TMEM128: variants seen among roughly 807,000 people sequenced by gnomAD.
TMEM128 encodes transmembrane protein 128.
TMEM128 carries 16 observed loss-of-function variants against 19.7 expected under a neutral mutation model. The ratio of observed to expected loss-of-function variants is 0.81; its 90% CI spans 0.55 to 1.23. The LOEUF (loss-of-function observed/expected upper bound fraction) is 1.23, where lower values mean the gene tolerates loss of function less well. Ranked by LOEUF, TMEM128 falls within the 50% of genes most tolerant of loss-of-function variation. The pLI, the probability that TMEM128 is intolerant of heterozygous loss-of-function variation, is 0.00. For synonymous variants in TMEM128, 98 were observed against 75.8 expected (o/e 1.29, Z -1.52); for missense variants, 237 against 200.8 (o/e 1.18, Z -1.09).
At chr4:4,241,292 T>C (rs1428660130) in intron 2 of TMEM128, among the ~76,000 whole-genome samples, 1 of 152,052 alleles carries the variant, frequency 6.6e-6, no homozygotes, top group Non-Finnish European at 1.5e-5. Context: ...CTAAATGAAA[T>C]CCTCCCATTT....
At chr4:4,246,128 A>G in intron 2 of TMEM128, 74 bp downstream of exon 2, 9 of 1,485,368 alleles carry the variant, frequency 6.1e-6, no homozygotes, top group Non-Finnish European at 8.2e-6. Context: ...TACTGTTTGA[A>G]GAATTCAACT....
In TMEM128 at chr4:4,235,549, T is replaced by C. The variant is rs938297135; in HGVS notation, c.*717A>G. The C allele has an allele frequency of 6.6e-6, 1 of 152,496 alleles. No homozygotes were observed. Among genetic ancestry groups the C allele is most frequent in the Non-Finnish European group, 1.5e-5 (1 of 68,036 alleles). The allele number at this position is 152,496 out of a possible 1,614,324, so 9.4% of individuals were successfully genotyped here. A position where few individuals can be genotyped will look rare whatever the true frequency, so the allele number is the denominator to read the frequency against. On this transcript the variant is annotated 3_prime_UTR_variant, in exon 5 of 5. Transcript: ENST00000382753. ...ATGAACAAAACTCACAAGAAAGTTA[T>C]AAAAATATTTTATTTAAATGATACA...
intron 2 of TMEM128, among the ~76,000 whole-genome samples, chr4:4,243,303 C>T (rs932896149): frequency 3.3e-5 from 5 of 152,036 alleles, no homozygotes; most frequent in Non-Finnish European, 5.9e-5. Flanking sequence ...AGGATGGTCT[C>T]GATCTCCTGA....
intron 3 of TMEM128, among the ~76,000 whole-genome samples, chr4:4,238,206 TG>T (rs1194546104): frequency 1.3e-5 from 2 of 152,354 alleles, no homozygotes; most frequent in Admixed American, 1.3e-4. Context: ...TAATAGAAAC[TG>T]AAGTCTCTTA....
rs1190365666 is a variant in TMEM128, at chr4:4,236,184, G to A, written c.*82C>T. ...GTGGGCCTGTAGTCCCAACTACTTC[G>A]AAGGCTGAGGCAGGAGGATCACTTG... is the stretch of plus-strand genomic sequence containing the variant. On this transcript the variant is annotated 3_prime_UTR_variant, in exon 5 of 5. Coordinates refer to ENST00000382753, the MANE Select transcript of TMEM128 (RefSeq NM_001297551.2). 6.6e-6 allele frequency: 1 copy of A among 150,748 alleles called. No individual in the cohort carries two copies. Among genetic ancestry groups the A allele is most frequent in the Non-Finnish European group, 1.5e-5 (1 of 67,896 alleles). The allele number at this position is 150,748 out of a possible 1,614,324, so 9.3% of individuals were successfully genotyped here.
chr4:4,247,469 ATATCCAAAATGAAG>A, intron 1 of TMEM128: 1 of 1,243,050 alleles, frequency 8.0e-7, no homozygotes. Context: ...GAGATAAAAA[ATATCCAAAATGAAG>A]TATCTGTCTC....
rs1160075978 is a variant in TMEM128, at chr4:4,246,332, C to G, written c.109G>C (p.Ala37Pro). 6.3e-7 allele frequency: 1 copy of G among 1,599,306 alleles called. No individual in the cohort carries two copies. The highest frequency in any genetic ancestry group is 1.8e-5 in the Admixed American group (1 of 55,474). The part of the protein sequence containing the change: ...EGDAGPETST[A>P]VEKKEKPLPR... ...AGAGGTTTCTCCTTTTTCTCAACAGCTGTGGAGGTTTCTGCAAATAAGGGA... is the reference window on the plus strand; with the variant it reads ...AGAGGTTTCTCCTTTTTCTCAACAGGTGTGGAGGTTTCTGCAAATAAGGGA... The change falls in exon 2 of 5, where the codon GCT becomes CCT. Residue 37 changes from alanine to proline, a missense_variant. By Grantham distance (27) the Ala-to-Pro change is conservative. Coordinates refer to ENST00000382753, the MANE Select transcript of TMEM128 (RefSeq NM_001297551.2).
intron 2 of TMEM128, among the ~76,000 whole-genome samples, chr4:4,242,745 C>A (rs746555848): frequency 5.3e-5 from 8 of 152,098 alleles, no homozygotes; most frequent in Non-Finnish European, 1.2e-4. Flanking sequence ...TCTTGAACTC[C>A]TGACCTCAGG....
At chr4:4,247,646 C>G in intron 1 of TMEM128, 1 of 1,614,184 alleles carries the variant, frequency 6.2e-7, no homozygotes, top group Non-Finnish European at 8.5e-7. Flanking sequence ...TCCACACTTC[C>G]CTTTGAAAAT....
chr4:4,238,780 T>C (rs1717826906), intron 3 of TMEM128, among the ~76,000 whole-genome samples: 1 of 152,124 alleles, frequency 6.6e-6, no homozygotes, highest in Non-Finnish European at 1.5e-5. Flanking sequence ...ACGCCTGTAA[T>C]CCAGCACTTT....
At chr4:4,244,579 T>C (rs1718092038) in intron 2 of TMEM128, among the ~76,000 whole-genome samples, 1 of 152,212 alleles carries the variant, frequency 6.6e-6, no homozygotes, top group Non-Finnish European at 1.5e-5. Flanking sequence ...TCTGTTATAC[T>C]GATGCAGCCG....
At chr4:4,247,670 A>AT in intron 1 of TMEM128, 1 of 1,613,984 alleles carries the variant, frequency 6.2e-7, no homozygotes, top group Non-Finnish European at 8.5e-7. Flanking sequence ...CCCCATTGGT[A>AT]CATACGAGTC....
rs1299431703 is a variant in TMEM128, at chr4:4,240,372, T to C, written c.347A>G (p.Tyr116Cys). The C allele has an allele frequency of 5.0e-6, 8 of 1,614,188 alleles. No homozygotes were observed. Among genetic ancestry groups the C allele is most frequent in the Non-Finnish European group, 5.9e-6 (7 of 1,180,022 alleles). The change falls in exon 3 of 5, where the codon TAT becomes TGT. Residue 116 changes from tyrosine (Y) to cysteine (C), a missense_variant. Physicochemically the swap from Tyr to Cys is radical, Grantham distance 194 (BLOSUM62 -2). Transcript: ENST00000382753. The stretch of plus-strand genomic sequence containing the variant: ...AGTGGTAATGGGTATCAAGGCTGGA[T>C]ACTTGACATCATATTCTCCAATTCC... ...YCGIGEYDVK[Y>C]PALIPITTAS...
chr4:4,243,720 CT>C (rs1336974905), intron 2 of TMEM128, among the ~76,000 whole-genome samples: 1 of 152,196 alleles, frequency 6.6e-6, no homozygotes, highest in East Asian at 1.9e-4. Context: ...ATGACTTCTA[CT>C]TTCTTTCCAA....
intron 4 of TMEM128, chr4:4,236,962 G>A (rs1262929577): frequency 5.9e-6 from 2 of 341,796 alleles, no homozygotes; most frequent in Admixed American, 7.5e-5. Flanking sequence ...TTCTCACCAT[G>A]CCCCTAAGCA....
At position 4,246,240 on chromosome 4, in the gene TMEM128, G is replaced by C. The variant is rs781002679; in HGVS notation, c.201C>G (p.Asp67Glu). The change falls in exon 2 of 5, where the codon GAC becomes GAG. Residue 67 changes from aspartate to glutamate, a missense_variant. Asp to Glu is a conservative substitution (Grantham distance 45, BLOSUM62 2). Coordinates refer to ENST00000382753, the MANE Select transcript of TMEM128 (RefSeq NM_001297551.2). ...AGTTTTCTTTAAGGGTTTTAAAGAAGTCAACATAATAGGTCACAACAATGG... is the reference window on the plus strand; with the variant it reads ...AGTTTTCTTTAAGGGTTTTAAAGAACTCAACATAATAGGTCACAACAATGG... ...LASIVVTYYV[D>E]FFKTLKENFH... 6 of 1,610,874 alleles carry C rather than the reference G, an allele frequency of 3.7e-6. No homozygotes were observed. The South Asian group carries it at 6.7e-5, about 18-fold the overall frequency.
intron 4 of TMEM128, 146 bp from the exon 5 acceptor site, chr4:4,236,402 G>A (rs1467651973): frequency 6.6e-6 from 1 of 152,124 alleles, no homozygotes; most frequent in Admixed American, 6.5e-5. Flanking sequence ...CATTGTCTGA[G>A]TCTCCATTAC....
At chr4:4,239,601 T>C (rs1486077042) in intron 3 of TMEM128, among the ~76,000 whole-genome samples, 1 of 152,156 alleles carries the variant, frequency 6.6e-6, no homozygotes, top group African/African-American at 2.4e-5. Flanking sequence ...ACAAGAGCCA[T>C]GTACAAGAAT....
intron 2 of TMEM128, among the ~76,000 whole-genome samples, chr4:4,244,013 A>G (rs2980103): frequency 0.44 from 66,136 of 151,978 alleles, 14,991 homozygotes; most frequent in African/African-American, 0.55. Flanking sequence ...TACACTTACA[A>G]AGCACATACC....
Sources: gnomAD v4.1 joint callset for allele counts (sites outside exome capture counted in the v4.1 genomes callset) on GRCh38, gnomAD v4.1.1 for gene constraint, MANE v1.5 for transcripts, NCBI Gene and HGNC (gene_info 2026-07-23, HGNC 2026-07-21) for gene names.